Variants in DENND2B observed in about 807,000 individuals in gnomAD.
DENND2B encodes the protein DENN domain-containing protein 2B.
Under a neutral mutation model 116.0 loss-of-function variants are expected in DENND2B, and 32 were observed. The ratio of observed to expected loss-of-function variants is 0.28; its 90% confidence interval spans 0.21 to 0.37. DENND2B has a LOEUF of 0.37. DENND2B is among the 10% of genes least tolerant of loss of function. The probability of loss-of-function intolerance (pLI) is 1.00; values close to 1 mark genes in which losing one functional copy is unlikely to be tolerated. For synonymous variants in DENND2B, 588 were observed against 583.9 expected, an observed-to-expected ratio of 1.01 and a Z score of -0.10; for missense variants, 1,276 against 1,477.7, an observed-to-expected ratio of 0.86 and a Z score of 2.24.
chr11:8,777,799 A>C (rs1169941390), intron 1 of DENND2B, among the ~76,000 whole-genome samples: 1 of 152,200 alleles, frequency 6.6e-6, no homozygotes, highest in African/African-American at 2.4e-5. Flanking sequence ...ATCCCTACTT[A>C]TATTTCCAGC....
At chr11:8,909,158 AAT>A (rs1194132881) in intron 1 of DENND2B, among the ~76,000 whole-genome samples, 1 of 152,212 alleles carries the variant, frequency 6.6e-6, no homozygotes, top group Admixed American at 6.5e-5. Flanking sequence ...TCAAAGAAGT[AAT>A]ATGTTTGCCC....
At chr11:8,838,152 C>T (rs1469143304) in intron 4 of DENND2B, among the ~76,000 whole-genome samples, 1 of 152,222 alleles carries the variant, frequency 6.6e-6, no homozygotes, top group Non-Finnish European at 1.5e-5. Context: ...CATCTGAGTT[C>T]CCTTCCAGTT....
Position 8,887,778 on chromosome 11 carries a change from C to T in DENND2B, c.-255-6669G>A, listed in dbSNP as rs371393744. Among the ~76,000 whole-genome samples, 13 of 152,328 alleles carry T rather than the reference C, an allele frequency of 8.5e-5. No homozygotes were observed. In the East Asian group the frequency reaches 2.5e-3, roughly 29 times the overall value. ...GTAATATAAAAGGTGACATACCTCT[C>T]TACCTGCTATAATATCCTTTAGCCA... On this transcript the variant is annotated intron_variant, in intron 1 of 22. Coordinates refer to the DENND2B transcript ENST00000534127.
At chr11:8,821,436 A>T (rs1181275380) in intron 4 of DENND2B, among the ~76,000 whole-genome samples, 1 of 151,602 alleles carries the variant, frequency 6.6e-6, no homozygotes, top group East Asian at 1.9e-4. Context: ...AAAATAAAAA[A>T]AAAAAATTAG....
At chr11:8,784,386 C>T (rs1470900737) in intron 1 of DENND2B, among the ~76,000 whole-genome samples, 1 of 150,002 alleles carries the variant, frequency 6.7e-6, no homozygotes, top group Admixed American at 6.6e-5. Context: ...GTGACTGTGC[C>T]ACTGTACTCC....
chr11:8,855,734 G>C (rs1407502213), intron 3 of DENND2B, among the ~76,000 whole-genome samples: 2 of 152,026 alleles, frequency 1.3e-5, no homozygotes, highest in Non-Finnish European at 2.9e-5. Context: ...TGTCCTGATG[G>C]AGCTGCCCAA....
chr11:8,696,696 C>T, intron 17 of DENND2B, 30 bp from the exon 18 acceptor site: 2 of 1,611,730 alleles, frequency 1.2e-6, no homozygotes, highest in Non-Finnish European at 1.7e-6. Context: ...CTTTGAGGTT[C>T]AGGTCAAGAG....
chr11:8,813,452 C>T (rs1302611968), upstream of DENND2B, among the ~76,000 whole-genome samples: 5 of 152,128 alleles, frequency 3.3e-5, no homozygotes, highest in Non-Finnish European at 5.9e-5. Flanking sequence ...ACTAAATTTC[C>T]GCCTCTTCCT....
chr11:8,770,009 G>A (rs2056580347), intron 1 of DENND2B, among the ~76,000 whole-genome samples: 1 of 152,094 alleles, frequency 6.6e-6, no homozygotes, highest in African/African-American at 2.4e-5. Context: ...AAGATTTCTT[G>A]ATTTTTTTAA....
rs1414402648 is a variant in DENND2B, at chr11:8,838,090, G to A, written c.-115+1220C>T. Among the ~76,000 whole-genome samples, 5 of 152,178 alleles carry A rather than the reference G, an allele frequency of 3.3e-5. No individual in the cohort carries two copies. The South Asian group carries it at 8.3e-4, about 25-fold the overall frequency. On this transcript the variant is annotated intron_variant, in intron 4 of 6. Coordinates refer to the DENND2B transcript ENST00000524757. ...AATTTCCATCAGTTTTTCTTACCAC[G>A]TTTTATACTTTTTCAAAGTGACTAC...
At chr11:8,860,516 A>G (rs915035164) in intron 2 of DENND2B, among the ~76,000 whole-genome samples, 2 of 152,218 alleles carry the variant, frequency 1.3e-5, no homozygotes, top group Non-Finnish European at 2.9e-5. Context: ...AAGGAGAACT[A>G]CAAAACGCTG....
chr11:8,840,054 G>C (rs1485203141), intron 3 of DENND2B, among the ~76,000 whole-genome samples: 1 of 152,040 alleles, frequency 6.6e-6, no homozygotes, highest in Non-Finnish European at 1.5e-5. Context: ...ACAGACAAAA[G>C]GAAGGAGTGA....
At chr11:8,717,492 T>C (rs2045114666) in intron 5 of DENND2B, among the ~76,000 whole-genome samples, 2 of 152,168 alleles carry the variant, frequency 1.3e-5, no homozygotes, top group African/African-American at 2.4e-5. Flanking sequence ...AGGATGCCCC[T>C]CAGAGCAGGT....
intron 1 of DENND2B, among the ~76,000 whole-genome samples, chr11:8,768,999 G>T (rs1206878533): frequency 6.6e-6 from 1 of 152,110 alleles, no homozygotes; most frequent in Non-Finnish European, 1.5e-5. Context: ...AAGCCACTTG[G>T]CTCTAAGAAG....
At position 8,878,390 on chromosome 11, in the gene DENND2B, A is replaced by AT. The variant is rs150901738; in HGVS notation, c.-156+2619dup. 5.4e-3 allele frequency among the ~76,000 whole-genome samples: 784 copies of AT among 144,590 alleles called. 2 individuals carry two copies. Among genetic ancestry groups the AT allele is most frequent in the Admixed American group, 6.6e-3 (94 of 14,346 alleles). The allele number at this position is 144,590 out of a possible 152,430, so 94.9% of individuals were successfully genotyped here. A position where few individuals can be genotyped will look rare whatever the true frequency, so the allele number is the denominator to read the frequency against. On this transcript the variant is annotated intron_variant, in intron 2 of 22. Transcript: ENST00000534127. ...ATCATGTCCATCAACAATTGAATGA[A>AT]TTTTTTTTTTTTTTTTGGAGACAGA...
chr11:8,802,172 A>C (rs1343404953), intron 1 of DENND2B, among the ~76,000 whole-genome samples: 1 of 151,478 alleles, frequency 6.6e-6, no homozygotes, highest in East Asian at 1.9e-4. Context: ...GTGGTGGTAC[A>C]CACCTGTAGT....
chr11:8,717,130 G>A (rs779378042), intron 5 of DENND2B, among the ~76,000 whole-genome samples: 6 of 152,186 alleles, frequency 3.9e-5, no homozygotes, highest in Non-Finnish European at 5.9e-5. Context: ...TCCTGGACAA[G>A]GACAGAAGGA....
intron 2 of DENND2B, among the ~76,000 whole-genome samples, chr11:8,735,563 G>C (rs2048880267): frequency 6.6e-6 from 1 of 152,264 alleles, no homozygotes; most frequent in Non-Finnish European, 1.5e-5. Flanking sequence ...CCAATGCAGA[G>C]CCACTGCCCT....
chr11:8,863,346 T>TCCCAGGTTCACACCATTCTGCTGC (rs543669262), intron 2 of DENND2B, among the ~76,000 whole-genome samples: 1 of 81,270 alleles, frequency 1.2e-5, no homozygotes. Context: ...AAGCTCCACC[T>TCCCAGGTTCACACCATTCTGCTGC]CTCAGCCTCC....
Sources: gnomAD v4.1 joint callset for allele counts (sites outside exome capture counted in the v4.1 genomes callset) on GRCh38, gnomAD v4.1.1 for gene constraint, MANE v1.5 for transcripts, NCBI Gene and HGNC (gene_info 2026-07-23, HGNC 2026-07-21) for gene names.